The following XKR6 variants were observed in gnomAD, a reference collection of about 807,000 sequenced individuals.
The protein encoded by XKR6 is XK-related protein 6.
A neutral mutation model predicts 56.7 loss-of-function variants in XKR6; 22 were observed. The ratio of observed to expected loss-of-function variants is 0.39; its 90% CI spans 0.28 to 0.55. XKR6 has a LOEUF of 0.55. Among genes scored for constraint, XKR6 ranks in the 20% least tolerant of loss-of-function variants. The pLI, the probability that XKR6 is intolerant of heterozygous loss-of-function variation, is 0.66. For missense variants in XKR6, 852 were observed against 889.0 expected, an observed-to-expected ratio of 0.96 and a Z score of 0.53; for synonymous variants, 524 against 387.8, an observed-to-expected ratio of 1.35 and a Z score of -4.13.
Position 10,896,722 on chromosome 8 carries a change from A to T in XKR6, c.*1230T>A, listed in dbSNP as rs1430762181. ...TTATTACAATTTTGACTTTTTATAT[A>T]TATGTATATATATATATATATTCTA... On this transcript the variant is annotated 3_prime_UTR_variant, in exon 3 of 3. Transcript: ENST00000416569. 2.0e-5 allele frequency: 3 copies of T among 151,202 alleles called. No individual in the cohort carries two copies. The highest frequency in any genetic ancestry group is 4.4e-5 in the Non-Finnish European group (3 of 67,796). The allele number at this position is 151,202 out of a possible 1,614,324, so 9.4% of individuals were successfully genotyped here.
At chr8:10,927,915 C>T (rs151264692) in intron 1 of XKR6, among the ~76,000 whole-genome samples, 187 of 152,244 alleles carry the variant, frequency 1.2e-3, no homozygotes, top group Admixed American at 2.1e-3. Flanking sequence ...CTGGGTCACC[C>T]GCACAGGCAC....
At chr8:10,944,079 C>T (rs1243693831) in intron 1 of XKR6, among the ~76,000 whole-genome samples, 3 of 152,116 alleles carry the variant, frequency 2.0e-5, no homozygotes, top group Non-Finnish European at 4.4e-5. Flanking sequence ...AGATTTTAAC[C>T]TCCAGGAGGG....
intron 1 of XKR6, among the ~76,000 whole-genome samples, chr8:11,088,738 T>C (rs935213548): frequency 6.6e-6 from 1 of 152,222 alleles, no homozygotes; most frequent in African/African-American, 2.4e-5. Flanking sequence ...ATTTATTTCT[T>C]CAGCCAATAT....
chr8:11,191,556 T>C (rs1803575893), intron 1 of XKR6, among the ~76,000 whole-genome samples: 2 of 152,164 alleles, frequency 1.3e-5, no homozygotes, highest in Non-Finnish European at 2.9e-5. Context: ...AATTTGTGCC[T>C]GAATGTAATT....
intron 1 of XKR6, among the ~76,000 whole-genome samples, chr8:11,156,319 A>C (rs1801516671): frequency 1.3e-5 from 2 of 152,100 alleles, no homozygotes; most frequent in South Asian, 4.1e-4. Flanking sequence ...AAATTCAAAT[A>C]ACATCTCCCC....
intron 1 of XKR6, among the ~76,000 whole-genome samples, chr8:10,978,333 C>A (rs1472528522): frequency 6.6e-6 from 1 of 152,218 alleles, no homozygotes; most frequent in Non-Finnish European, 1.5e-5. Flanking sequence ...CCATCCAACA[C>A]TGGCCAATTT....
intron 1 of XKR6, among the ~76,000 whole-genome samples, chr8:11,074,101 T>G (rs1800204173): frequency 6.6e-6 from 1 of 152,252 alleles, no homozygotes; most frequent in Non-Finnish European, 1.5e-5. Context: ...AGCAGAAAGC[T>G]AAGATCTTCA....
intron 1 of XKR6, chr8:11,002,562 C>T (rs368708784): frequency 1.6e-4 from 34 of 208,018 alleles, no homozygotes; most frequent in South Asian, 3.6e-4. Flanking sequence ...TGTGGCTGGG[C>T]GGGGCTTTGC....
At chr8:10,940,220 G>A (rs1324031280) in intron 1 of XKR6, among the ~76,000 whole-genome samples, 1 of 152,204 alleles carries the variant, frequency 6.6e-6, no homozygotes, top group Non-Finnish European at 1.5e-5. Context: ...AAGTGCCTAA[G>A]CTGAGAGGTG....
chr8:10,913,733 C>T (rs140141879), intron 2 of XKR6, among the ~76,000 whole-genome samples: 90 of 152,314 alleles, frequency 5.9e-4, no homozygotes, highest in Middle Eastern at 3.4e-3. Context: ...AGGGACTTCA[C>T]GTGGTGTTCA....
chr8:11,181,863 T>C (rs1032189571), intron 1 of XKR6, among the ~76,000 whole-genome samples: 2 of 152,196 alleles, frequency 1.3e-5, no homozygotes, highest in South Asian at 2.1e-4. Context: ...ATTTTTTTTT[T>C]TCTCTTGGAG....
chr8:11,174,191 G>A (rs79102586), intron 1 of XKR6, among the ~76,000 whole-genome samples: 355 of 152,316 alleles, frequency 2.3e-3, no homozygotes, highest in Non-Finnish European at 4.2e-3. Flanking sequence ...ACCTCTCAGT[G>A]AATGAAAATG....
chr8:11,132,403 G>C lies in XKR6; in HGVS notation c.764+68173C>G, dbSNP rs919098890. Among the ~76,000 whole-genome samples, 6 of 151,748 alleles carry C rather than the reference G, an allele frequency of 4.0e-5. No individual in the cohort carries two copies. In the East Asian group the frequency reaches 9.7e-4, roughly 24 times the overall value. On this transcript the variant is annotated intron_variant, in intron 1 of 2. Transcript: ENST00000416569. ...AGACGGAATCTTGCTCTGTCACCCA[G>C]GCTGGAGTGTGGTGGTGCAATCTCG...
At chr8:10,970,286 G>C (rs1255265454) in intron 1 of XKR6, among the ~76,000 whole-genome samples, 1 of 152,196 alleles carries the variant, frequency 6.6e-6, no homozygotes, top group Non-Finnish European at 1.5e-5. Flanking sequence ...GGTGGCCTAG[G>C]GGATGGGTAC....
chr8:11,130,483 T>C (rs1278090183), intron 1 of XKR6, among the ~76,000 whole-genome samples: 3 of 152,192 alleles, frequency 2.0e-5, no homozygotes, highest in African/African-American at 4.8e-5. Flanking sequence ...GACAGTGCAA[T>C]GGACAAAAAC....
intron 1 of XKR6, among the ~76,000 whole-genome samples, chr8:10,979,594 A>G (rs1351998962): frequency 6.6e-6 from 1 of 152,128 alleles, no homozygotes; most frequent in African/African-American, 2.4e-5. Flanking sequence ...TGCCTAAGCC[A>G]TTTCCTTCTC....
At chr8:11,013,617 G>C (rs958017596) in intron 1 of XKR6, among the ~76,000 whole-genome samples, 3 of 152,138 alleles carry the variant, frequency 2.0e-5, no homozygotes, top group African/African-American at 7.2e-5. Context: ...GCCTAGATCT[G>C]GCCCCGGATC....
chr8:10,960,235 G>A (rs114073029), intron 1 of XKR6, among the ~76,000 whole-genome samples: 1 of 151,520 alleles, frequency 6.6e-6, no homozygotes, highest in Non-Finnish European at 1.5e-5. Context: ...GGTGGGTACA[G>A]GTATAGCAGG....
intron 1 of XKR6, among the ~76,000 whole-genome samples, chr8:11,090,727 G>C (rs780087243): frequency 6.6e-6 from 1 of 151,578 alleles, no homozygotes; most frequent in Non-Finnish European, 1.5e-5. Flanking sequence ...TTATAAATTG[G>C]GTCTTTTTTT....
Sources: allele counts gnomAD v4.1 joint callset (sites outside exome capture counted in the v4.1 genomes callset), GRCh38; gene constraint gnomAD v4.1.1; transcripts MANE v1.5; gene names NCBI Gene and HGNC (gene_info 2026-07-23, HGNC 2026-07-21).